The following NRG1 variants were observed in gnomAD, a reference collection of about 807,000 sequenced individuals.
NRG1 encodes the protein neuregulin 1.
In NRG1, 18 loss-of-function variants were observed where a neutral mutation model predicts 63.8. The ratio of observed to expected loss-of-function variants is 0.28; its 90% confidence interval spans 0.19 to 0.42. The LOEUF (loss-of-function observed/expected upper bound fraction) is 0.42, where lower values mean the gene tolerates loss of function less well. Ranked by LOEUF, NRG1 falls within the 10% of genes least tolerant of loss-of-function variation. The probability of loss-of-function intolerance (pLI) is 1.00; values close to 1 mark genes in which losing one functional copy is unlikely to be tolerated. For synonymous variants in NRG1, 302 were observed against 301.3 expected, an observed-to-expected ratio of 1.00 and a Z score of -0.02; for missense variants, 762 against 814.7, an observed-to-expected ratio of 0.94 and a Z score of 0.79.
intron 1 of NRG1, among the ~76,000 whole-genome samples, chr8:32,569,722 A>G (rs1224523388): frequency 6.9e-6 from 1 of 144,914 alleles, no homozygotes; most frequent in East Asian, 1.9e-4. Context: ...CATTTTTTAA[A>G]TAAAATTTTA....
intron 1 of NRG1, among the ~76,000 whole-genome samples, chr8:31,862,214 A>G (rs1285844879): frequency 6.6e-6 from 1 of 152,198 alleles, no homozygotes; most frequent in African/African-American, 2.4e-5. Context: ...TTTTTCTGAG[A>G]CATTAACCTT....
At chr8:32,609,821 C>T (rs951906945) in intron 3 of NRG1, among the ~76,000 whole-genome samples, 1 of 151,280 alleles carries the variant, frequency 6.6e-6, no homozygotes, top group Non-Finnish European at 1.5e-5. Context: ...CTAGACACCC[C>T]CCACCACACC....
At chr8:32,302,295 C>T (rs974971413) in intron 1 of NRG1, among the ~76,000 whole-genome samples, 4 of 152,124 alleles carry the variant, frequency 2.6e-5, no homozygotes, top group Non-Finnish European at 5.9e-5. Context: ...TAACCCCTGA[C>T]GATCTTCAGT....
At chr8:32,738,508 G>C (rs887648813) in intron 6 of NRG1, among the ~76,000 whole-genome samples, 2 of 151,978 alleles carry the variant, frequency 1.3e-5, no homozygotes, top group African/African-American at 4.8e-5. Context: ...ATTGTTCTCA[G>C]ACATAAAATT....
At chr8:31,835,224 C>T (rs1301078349) in intron 1 of NRG1, among the ~76,000 whole-genome samples, 1 of 152,174 alleles carries the variant, frequency 6.6e-6, no homozygotes, top group Non-Finnish European at 1.5e-5. Context: ...GCATAACTTG[C>T]CAAGTCACAC....
intron 1 of NRG1, chr8:32,441,551 T>A (rs1271202807): frequency 6.6e-6 from 1 of 152,098 alleles, no homozygotes; most frequent in African/African-American, 2.4e-5. Flanking sequence ...CCCAGGAGTT[T>A]GAGGCTGCAG....
chr8:32,244,274 A>T (rs1848406777), intron 1 of NRG1, among the ~76,000 whole-genome samples: 1 of 152,178 alleles, frequency 6.6e-6, no homozygotes, highest in East Asian at 1.9e-4. Flanking sequence ...ATCATTCCTT[A>T]GGAGCGTTGA....
At chr8:32,483,021 C>T (rs1825497322) in intron 1 of NRG1, among the ~76,000 whole-genome samples, 1 of 152,236 alleles carries the variant, frequency 6.6e-6, no homozygotes, top group African/African-American at 2.4e-5. Flanking sequence ...TGCCAGGTGT[C>T]TTCCCACAGT....
At chr8:31,912,566 CTTTTTTTTTTTT>C (rs3052846) in intron 1 of NRG1, among the ~76,000 whole-genome samples, 1 of 105,632 alleles carries the variant, frequency 9.5e-6, no homozygotes, top group African/African-American at 3.6e-5. Context: ...TTTAGAAATG[CTTTTTTTTTTTT>C]TTTTTTTTTT....
At chr8:31,744,070 G>A (rs1175260826) in intron 1 of NRG1, among the ~76,000 whole-genome samples, 1 of 151,774 alleles carries the variant, frequency 6.6e-6, no homozygotes, top group Non-Finnish European at 1.5e-5. Flanking sequence ...ATCTCTTATT[G>A]GTCAACCCCA....
intron 2 of NRG1, among the ~76,000 whole-genome samples, chr8:32,602,036 C>T (rs1024834586): frequency 3.3e-5 from 5 of 152,100 alleles, no homozygotes; most frequent in Admixed American, 1.3e-4. Flanking sequence ...ACTTGTGATG[C>T]TTATCTCGAT....
At chr8:32,095,626 C>T (rs1829801717) in intron 1 of NRG1, among the ~76,000 whole-genome samples, 1 of 152,156 alleles carries the variant, frequency 6.6e-6, no homozygotes, top group Non-Finnish European at 1.5e-5. Context: ...ATAAATAACT[C>T]TATGCCTTAT....
intron 1 of NRG1, among the ~76,000 whole-genome samples, chr8:31,898,713 T>C (rs1831811682): frequency 6.6e-6 from 1 of 152,018 alleles, no homozygotes; most frequent in Admixed American, 6.6e-5. Flanking sequence ...CAAAAATAAA[T>C]AAATACGTAA....
chr8:32,636,995 G>A (rs1338919259), intron 5 of NRG1, among the ~76,000 whole-genome samples: 1 of 152,042 alleles, frequency 6.6e-6, no homozygotes, highest in African/African-American at 2.4e-5. Context: ...TTTGGCATAG[G>A]TAATGAGTTT....
intron 1 of NRG1, among the ~76,000 whole-genome samples, chr8:32,445,813 C>T (rs1820164920): frequency 6.6e-6 from 1 of 151,924 alleles, no homozygotes; most frequent in Non-Finnish European, 1.5e-5. Flanking sequence ...ATATGGATTA[C>T]TAATTGTCTA....
chr8:32,378,847 C>T (rs748279413), intron 1 of NRG1, among the ~76,000 whole-genome samples: 2 of 150,038 alleles, frequency 1.3e-5, no homozygotes, highest in Non-Finnish European at 3.0e-5. Flanking sequence ...TCAATTCCCA[C>T]CTATGAGTGA....
At chr8:32,391,361 T>A (rs552181442) in intron 1 of NRG1, among the ~76,000 whole-genome samples, 82 of 151,984 alleles carry the variant, frequency 5.4e-4, no homozygotes, top group Admixed American at 1.6e-3. Flanking sequence ...ATATATATAT[T>A]TTTTTGACTT....
chr8:32,605,604 T>A, exon 3 of NRG1: 2 of 1,613,526 alleles, frequency 1.2e-6, no homozygotes. Flanking sequence ...TGGCTGATTC[T>A]GGAGAGTATA....
chr8:32,420,390 C>T (rs1035224855), intron 1 of NRG1, among the ~76,000 whole-genome samples: 1 of 152,124 alleles, frequency 6.6e-6, no homozygotes, highest in Admixed American at 6.6e-5. Flanking sequence ...TACAACTGGC[C>T]TTTTCCAGAT....
Sources: gnomAD v4.1 joint callset for allele counts (sites outside exome capture counted in the v4.1 genomes callset) on GRCh38, gnomAD v4.1.1 for gene constraint, MANE v1.5 for transcripts, NCBI Gene and HGNC (gene_info 2026-07-23, HGNC 2026-07-21) for gene names.